KIAA1217: variants seen among roughly 807,000 people sequenced by gnomAD.
KIAA1217 encodes KIAA1217.
KIAA1217 carries 88 observed loss-of-function variants against 163.9 expected under a neutral mutation model. That is an observed-to-expected ratio of 0.54 (90% CI 0.45 to 0.64). The LOEUF is 0.64. KIAA1217 is among the 30% of genes least tolerant of loss of function. The pLI is 0.00. For synonymous variants in KIAA1217, 903 were observed against 923.1 expected, an observed-to-expected ratio of 0.98 and a Z score of 0.39; for missense variants, 2,372 against 2,475.0, an observed-to-expected ratio of 0.96 and a Z score of 0.88.
At chr10:24,177,734 G>A (rs1267909218) in intron 2 of KIAA1217, among the ~76,000 whole-genome samples, 3 of 152,118 alleles carry the variant, frequency 2.0e-5, no homozygotes, top group East Asian at 3.9e-4. Flanking sequence ...CAAATTGAAG[G>A]TGGTGGGGGA....
At chr10:23,916,411 A>G (rs1016230067) in intron 1 of KIAA1217, among the ~76,000 whole-genome samples, 28 of 152,212 alleles carry the variant, frequency 1.8e-4, no homozygotes, top group African/African-American at 5.3e-4. Flanking sequence ...CTTTTCTGCA[A>G]TCCCACCTCA....
chr10:24,438,217 G>A (rs758396475), intron 4 of KIAA1217, among the ~76,000 whole-genome samples, 169 bp from the exon 5 acceptor site: 32 of 152,030 alleles, frequency 2.1e-4, no homozygotes, highest in Non-Finnish European at 2.9e-4. Flanking sequence ...CTTCTTTTCC[G>A]TATTTATAAT....
chr10:24,353,148 T>C (rs1288904126), intron 2 of KIAA1217, among the ~76,000 whole-genome samples: 3 of 152,094 alleles, frequency 2.0e-5, no homozygotes, highest in African/African-American at 7.2e-5. Context: ...GGTGGTGCGG[T>C]TTCCTGTTTT....
intron 3 of KIAA1217, among the ~76,000 whole-genome samples, chr10:24,384,596 G>C (rs1009898142): frequency 1.1e-4 from 17 of 152,194 alleles, no homozygotes; most frequent in African/African-American, 4.1e-4. Flanking sequence ...GAGTGCAGTG[G>C]AACGATCTCG....
intron 1 of KIAA1217, among the ~76,000 whole-genome samples, chr10:23,969,989 G>A (rs1845242194): frequency 1.3e-5 from 2 of 151,966 alleles, no homozygotes. Flanking sequence ...AAAACCATCA[G>A]CTCTTGTGAG....
intron 2 of KIAA1217, among the ~76,000 whole-genome samples, chr10:24,019,802 A>G (rs1847656741): frequency 6.6e-6 from 1 of 151,662 alleles, no homozygotes; most frequent in Admixed American, 6.6e-5. Flanking sequence ...TGAGAAGAGA[A>G]TGGATTATAC....
chr10:23,916,964 C>T (rs1842654363), intron 1 of KIAA1217, among the ~76,000 whole-genome samples: 1 of 104,834 alleles, frequency 9.5e-6, no homozygotes, highest in Non-Finnish European at 1.7e-5. Flanking sequence ...GAGTGAGATT[C>T]TCTCAAAAAA....
intron 2 of KIAA1217, chr10:24,368,879 T>C (rs904137059): frequency 4.1e-6 from 4 of 982,518 alleles, no homozygotes; most frequent in Middle Eastern, 5.2e-4. Flanking sequence ...TCTTTTATAA[T>C]TTACCAATTG....
chr10:23,747,416 G>A (rs1326265001), intron 1 of KIAA1217, among the ~76,000 whole-genome samples: 1 of 152,100 alleles, frequency 6.6e-6, no homozygotes, highest in Non-Finnish European at 1.5e-5. Flanking sequence ...AATGGGGTGG[G>A]TTTCAGGAGA....
At chr10:24,223,805 C>T (rs1400917313) in intron 2 of KIAA1217, among the ~76,000 whole-genome samples, 5 of 151,124 alleles carry the variant, frequency 3.3e-5, no homozygotes, top group Middle Eastern at 3.4e-3. Flanking sequence ...CCTCAACCTC[C>T]GCGGCTCAAG....
intron 6 of KIAA1217, among the ~76,000 whole-genome samples, chr10:24,479,751 G>A (rs1389148642): frequency 6.6e-6 from 1 of 152,166 alleles, no homozygotes; most frequent in African/African-American, 2.4e-5. Context: ...ATCATAGCAT[G>A]GCAGAGAAGG....
chr10:23,867,363 C>T (rs1451794509), intron 1 of KIAA1217, among the ~76,000 whole-genome samples: 1 of 151,808 alleles, frequency 6.6e-6, no homozygotes, highest in African/African-American at 2.4e-5. Context: ...TGGGTATATA[C>T]CCAGTAATGG....
chr10:24,158,374 C>G (rs914696669), intron 2 of KIAA1217: 8 of 640,732 alleles, frequency 1.2e-5, no homozygotes, highest in Non-Finnish European at 2.4e-5. Flanking sequence ...CGGGTTTTCT[C>G]AAGCCTCTGC....
chr10:23,961,044 T>C (rs1381371326), intron 1 of KIAA1217, among the ~76,000 whole-genome samples: 1 of 152,214 alleles, frequency 6.6e-6, no homozygotes. Context: ...AGAATTTGTA[T>C]TGGAAGCCAT....
At chr10:24,041,390 G>T (rs1057298694) in intron 2 of KIAA1217, among the ~76,000 whole-genome samples, 6 of 152,180 alleles carry the variant, frequency 3.9e-5, no homozygotes, top group African/African-American at 1.4e-4. Context: ...GAACACATTT[G>T]ATTTTTACAT....
chr10:24,050,876 A>G (rs981822545), intron 2 of KIAA1217, among the ~76,000 whole-genome samples: 1 of 152,188 alleles, frequency 6.6e-6, no homozygotes, highest in African/African-American at 2.4e-5. Context: ...AAACTGCTAG[A>G]ACACCTCCAG....
chr10:24,179,153 T>C (rs1326688501), intron 2 of KIAA1217, among the ~76,000 whole-genome samples: 1 of 152,218 alleles, frequency 6.6e-6, no homozygotes, highest in Admixed American at 6.5e-5. Context: ...GATGCTTATA[T>C]ACCATTTTAA....
At chr10:24,112,131 T>C (rs1564714547) in intron 2 of KIAA1217, among the ~76,000 whole-genome samples, 2 of 152,136 alleles carry the variant, frequency 1.3e-5, no homozygotes, top group South Asian at 4.1e-4. Flanking sequence ...ATTACAGACA[T>C]TTTCCTGTAA....
At chr10:24,339,896 ACT>A (rs2046853841) in intron 2 of KIAA1217, among the ~76,000 whole-genome samples, 1 of 152,134 alleles carries the variant, frequency 6.6e-6, no homozygotes, top group Admixed American at 6.5e-5. Flanking sequence ...CTTTTCTTTG[ACT>A]CTGTCTTCTC....
Sources: allele counts gnomAD v4.1 joint callset (sites outside exome capture counted in the v4.1 genomes callset), GRCh38; gene constraint gnomAD v4.1.1; transcripts MANE v1.5; gene names NCBI Gene and HGNC (gene_info 2026-07-23, HGNC 2026-07-21).